MTSS1: variants seen among roughly 807,000 people sequenced by gnomAD.
The protein encoded by MTSS1 is protein MTSS 1.
A neutral mutation model predicts 79.0 loss-of-function variants in MTSS1; 18 were observed. That is an observed-to-expected ratio of 0.23 (90% CI 0.16 to 0.34). MTSS1 has a LOEUF of 0.34. MTSS1 is among the 10% of genes least tolerant of loss of function. The probability of loss-of-function intolerance (pLI) is 1.00; values close to 1 mark genes in which losing one functional copy is unlikely to be tolerated. For synonymous variants in MTSS1, 341 were observed against 368.6 expected, an observed-to-expected ratio of 0.93 and a Z score of 0.86; for missense variants, 815 against 986.2, an observed-to-expected ratio of 0.83 and a Z score of 2.33.
intron 3 of MTSS1, among the ~76,000 whole-genome samples, chr8:124,648,199 G>T (rs1819321959): frequency 6.6e-6 from 1 of 152,148 alleles, no homozygotes; most frequent in Non-Finnish European, 1.5e-5. Context: ...TACCAGAGTT[G>T]CTCCAAAGAT....
intron 10 of MTSS1, chr8:124,558,919 G>C: frequency 6.9e-7 from 1 of 1,443,448 alleles, no homozygotes; most frequent in Non-Finnish European, 9.2e-7. Context: ...AAGGAATGGG[G>C]ATGGGAGTGG....
chr8:124,718,312 C>T (rs1281464226), intron 1 of MTSS1, among the ~76,000 whole-genome samples: 1 of 150,952 alleles, frequency 6.6e-6, no homozygotes, highest in Non-Finnish European at 1.5e-5. Flanking sequence ...TTAGGGTGTT[C>T]CTAATTAAGG....
chr8:124,621,484 G>T (rs567351900), intron 3 of MTSS1, among the ~76,000 whole-genome samples: 5 of 152,258 alleles, frequency 3.3e-5, no homozygotes, highest in African/African-American at 1.2e-4. Flanking sequence ...CATCAGTACC[G>T]TCATTCCAAT....
chr8:124,564,549 G>A (rs1323837758), intron 9 of MTSS1, among the ~76,000 whole-genome samples: 1 of 152,102 alleles, frequency 6.6e-6, no homozygotes, highest in Non-Finnish European at 1.5e-5. Context: ...CTCCACCCCG[G>A]CAGCCTCAGA....
chr8:124,634,302 T>G (rs754445464), intron 3 of MTSS1, among the ~76,000 whole-genome samples: 225 of 151,492 alleles, frequency 1.5e-3, no homozygotes, highest in Non-Finnish European at 2.1e-3. Context: ...GTTGTTGTTT[T>G]GTAGTTTTTT....
intron 3 of MTSS1, among the ~76,000 whole-genome samples, chr8:124,692,717 A>G (rs1259939077): frequency 6.6e-6 from 1 of 151,908 alleles, no homozygotes; most frequent in African/African-American, 2.4e-5. Flanking sequence ...CAAATTCTGA[A>G]CTCCAGGGAG....
At chr8:124,661,533 T>A (rs1822026910) in intron 3 of MTSS1, among the ~76,000 whole-genome samples, 2 of 152,136 alleles carry the variant, frequency 1.3e-5, no homozygotes, top group East Asian at 3.9e-4. Context: ...CGTGTGACCA[T>A]CAGCTTGAAA....
At chr8:124,709,164 A>G (rs1385783808) in intron 1 of MTSS1, among the ~76,000 whole-genome samples, 1 of 152,210 alleles carries the variant, frequency 6.6e-6, no homozygotes, top group African/African-American at 2.4e-5. Context: ...CAGCAAGACT[A>G]CATAAAGGAG....
intron 6 of MTSS1, among the ~76,000 whole-genome samples, chr8:124,570,580 G>A (rs1827541777): frequency 6.6e-6 from 1 of 152,200 alleles, no homozygotes; most frequent in African/African-American, 2.4e-5. Flanking sequence ...AAAAACCACA[G>A]TATATGTAAG....
At chr8:124,700,815 T>C (rs921577373) in intron 2 of MTSS1, among the ~76,000 whole-genome samples, 3 of 152,206 alleles carry the variant, frequency 2.0e-5, no homozygotes, top group African/African-American at 7.2e-5. Context: ...ATCAAACTTG[T>C]AACTAAGTGT....
chr8:124,635,102 G>A (rs561396668), intron 3 of MTSS1, among the ~76,000 whole-genome samples: 13 of 152,322 alleles, frequency 8.5e-5, no homozygotes, highest in African/African-American at 2.6e-4. Context: ...AGCCTGGAAC[G>A]TTAAAGCTGC....
intron 6 of MTSS1, among the ~76,000 whole-genome samples, chr8:124,584,007 T>C (rs13258027): frequency 0.063 from 9,600 of 152,256 alleles, 436 homozygotes; most frequent in East Asian, 0.18. Context: ...GAAAATCTGA[T>C]TGTGGGTGAA....
chr8:124,556,672 C>T (rs913794977), intron 11 of MTSS1: 15 of 484,676 alleles, frequency 3.1e-5, no homozygotes, highest in African/African-American at 5.8e-5. Context: ...GCAGGAGACC[C>T]GGCAGCCACC....
At chr8:124,687,627 G>T (rs925318626) in intron 3 of MTSS1, among the ~76,000 whole-genome samples, 4 of 152,148 alleles carry the variant, frequency 2.6e-5, no homozygotes, top group Admixed American at 2.0e-4. Context: ...AGCCCTTCTG[G>T]TGAACCAAAT....
intron 1 of MTSS1, among the ~76,000 whole-genome samples, chr8:124,721,151 G>C (rs1462140793): frequency 6.6e-6 from 1 of 152,116 alleles, no homozygotes; most frequent in Non-Finnish European, 1.5e-5. Flanking sequence ...CCGTACGGTA[G>C]CTACTAGCCA....
chr8:124,554,914 G>T (rs1465839655), intron 13 of MTSS1, among the ~76,000 whole-genome samples: 3 of 152,166 alleles, frequency 2.0e-5, no homozygotes, highest in Admixed American at 6.5e-5. Context: ...TGCAGTCATG[G>T]ATCACTGCAG....
At chr8:124,607,593 C>T (rs571730074) in intron 3 of MTSS1, among the ~76,000 whole-genome samples, 5 of 152,278 alleles carry the variant, frequency 3.3e-5, no homozygotes, top group East Asian at 1.9e-4. Context: ...CACCGTGACA[C>T]GACCAAAGTG....
chr8:124,587,330 T>A (rs1180616621), intron 5 of MTSS1, among the ~76,000 whole-genome samples: 3 of 152,032 alleles, frequency 2.0e-5, no homozygotes, highest in South Asian at 2.1e-4. Context: ...TGAAAAAAAA[T>A]GTCAAATGGT....
intron 8 of MTSS1, among the ~76,000 whole-genome samples, chr8:124,566,606 A>G (rs774804386): frequency 3.2e-4 from 48 of 152,234 alleles, no homozygotes; most frequent in Non-Finnish European, 6.5e-4. Context: ...GCATTGCTCA[A>G]TTAGAATGGG....
Sources: allele counts gnomAD v4.1 joint callset (sites outside exome capture counted in the v4.1 genomes callset), GRCh38; gene constraint gnomAD v4.1.1; transcripts MANE v1.5; gene names NCBI Gene and HGNC (gene_info 2026-07-23, HGNC 2026-07-21).